Variants in ANKAR observed in about 807,000 individuals in gnomAD.
The protein encoded by ANKAR is ankyrin and armadillo repeat-containing protein.
Under a neutral mutation model 146.2 loss-of-function variants are expected in ANKAR, and 136 were observed. That is an observed-to-expected ratio of 0.93 (90% CI 0.81 to 1.07). The LOEUF (loss-of-function observed/expected upper bound fraction) is 1.07. Among genes scored for constraint, ANKAR ranks in the 50% least tolerant of loss-of-function variants. The probability of loss-of-function intolerance (pLI) is 0.00; values close to 1 mark genes in which losing one functional copy is unlikely to be tolerated. For missense variants in ANKAR, 1,567 were observed against 1,679.9 expected (o/e 0.93, Z 1.18); for synonymous variants, 500 against 575.8 (o/e 0.87, Z 1.88).
chr2:189,747,659 T>C, downstream of ANKAR, among the ~76,000 whole-genome samples: 1 of 152,182 alleles, frequency 6.6e-6, no homozygotes, highest in East Asian at 1.9e-4. Flanking sequence ...TACAAACACC[T>C]GGCTTCACTG....
intron 2 of ANKAR, among the ~76,000 whole-genome samples, chr2:189,683,117 C>G (rs533798645): frequency 6.6e-5 from 10 of 152,324 alleles, no homozygotes; most frequent in Admixed American, 2.0e-4. Flanking sequence ...GTCTATGAAC[C>G]AGGGAATGGG....
chr2:189,697,814 T>C (rs1465320879), intron 7 of ANKAR, among the ~76,000 whole-genome samples: 1 of 152,084 alleles, frequency 6.6e-6, no homozygotes, highest in Non-Finnish European at 1.5e-5. Context: ...ATATTATTGC[T>C]TAACCAACAC....
At chr2:189,683,321 G>A (rs1216162215) in intron 2 of ANKAR, among the ~76,000 whole-genome samples, 2 of 152,212 alleles carry the variant, frequency 1.3e-5, no homozygotes, top group African/African-American at 4.8e-5. Context: ...AGTTTGAATG[G>A]AGGGTTAACT....
chr2:189,686,198 CT>C (rs2035565143), intron 2 of ANKAR, among the ~76,000 whole-genome samples: 1 of 151,406 alleles, frequency 6.6e-6, no homozygotes, highest in African/African-American at 2.4e-5. Context: ...GTATTCTGGC[CT>C]TTTTAAAAAA....
chr2:189,754,185 T>TG, intron 18 of ANKAR: 1 of 1,613,854 alleles, frequency 6.2e-7, no homozygotes, highest in Non-Finnish European at 8.5e-7. Context: ...AGTAACGTGT[T>TG]GAAGTCCAGT....
downstream of ANKAR, chr2:189,750,462 A>G (rs2044996222): frequency 5.4e-6 from 3 of 556,434 alleles, no homozygotes; most frequent in Non-Finnish European, 9.4e-6. Flanking sequence ...AAAAAAAAAA[A>G]TAAAATCTTG....
At chr2:189,735,757 TA>T (rs2042783762) in intron 17 of ANKAR, among the ~76,000 whole-genome samples, 1 of 152,220 alleles carries the variant, frequency 6.6e-6, no homozygotes, top group African/African-American at 2.4e-5. Flanking sequence ...CAAACTAGAA[TA>T]ATATATGAAA....
At chr2:189,755,165 T>C (rs373260336) in intron 18 of ANKAR, 1 of 1,593,702 alleles carries the variant, frequency 6.3e-7, no homozygotes, top group East Asian at 2.2e-5. Flanking sequence ...AAATTAATTC[T>C]TAATTACCTT....
chr2:189,744,983 C>A (rs1357975807), intron 22 of ANKAR, among the ~76,000 whole-genome samples, 195 bp downstream of exon 22: 1 of 69,316 alleles, frequency 1.4e-5, no homozygotes, highest in East Asian at 4.3e-4. Flanking sequence ...TATGGTGAAA[C>A]CCCATCTCTA....
intron 18 of ANKAR, chr2:189,753,854 C>G: frequency 6.4e-7 from 1 of 1,557,032 alleles, no homozygotes; most frequent in Non-Finnish European, 8.7e-7. Flanking sequence ...AGGTCAAGGT[C>G]TTGGGAAAAA....
chr2:189,745,652 C>G (rs747758018), intron 22 of ANKAR, among the ~76,000 whole-genome samples: 7 of 151,890 alleles, frequency 4.6e-5, no homozygotes, highest in South Asian at 4.2e-4. Context: ...CGTGTAGGAC[C>G]AAAATCAGTC....
At chr2:189,734,594 T>C (rs1354518897) in intron 17 of ANKAR, among the ~76,000 whole-genome samples, 2 of 151,984 alleles carry the variant, frequency 1.3e-5, no homozygotes, top group Non-Finnish European at 2.9e-5. Context: ...TTCTGTAAGG[T>C]TTTAGAGGGA....
chr2:189,754,814 C>T, intron 18 of ANKAR: 1 of 258,510 alleles, frequency 3.9e-6, no homozygotes, highest in Non-Finnish European at 7.2e-6. Flanking sequence ...CTGTGCATTG[C>T]ATCTTTAATG....
At chr2:189,710,487 T>C (rs1297826342) in intron 9 of ANKAR, among the ~76,000 whole-genome samples, 1 of 152,240 alleles carries the variant, frequency 6.6e-6, no homozygotes, top group Non-Finnish European at 1.5e-5. Flanking sequence ...CCAGCCAATC[T>C]AAGTCATTCA....
At chr2:189,754,958 A>C in intron 18 of ANKAR, 1 of 565,956 alleles carries the variant, frequency 1.8e-6, no homozygotes, top group African/African-American at 1.9e-5. Context: ...GCCTTTATGT[A>C]CAGATATGAA....
Position 189,746,576 on chromosome 2 carries a change from C to G in ANKAR, c.4254C>G (p.Asn1418Lys). The change falls in exon 23 of 23, where the codon AAC becomes AAG. Residue 1418 changes from asparagine (N) to lysine (K), a missense_variant. Coordinates refer to ENST00000684021, the MANE Select transcript of ANKAR (RefSeq NM_001378068.1). ...CAAGACCAAGAATAGTGTGTTTGAA[C>G]CAACTTGGGAAACATGTCCAGAAAG... is the stretch of plus-strand genomic sequence containing the variant. ...NVSRPRIVCL[N>K]QLGKHVQKAN... 1.2e-6 allele frequency: 2 copies of G among 1,613,082 alleles called. No homozygotes were observed. Among genetic ancestry groups the G allele is most frequent in the Non-Finnish European group, 1.7e-6 (2 of 1,179,744 alleles).
chr2:189,708,224 A>G (rs1186937702), intron 9 of ANKAR, among the ~76,000 whole-genome samples: 1 of 152,248 alleles, frequency 6.6e-6, no homozygotes. Flanking sequence ...TCAGCAGTTT[A>G]TCTTTCTGTG....
intron 9 of ANKAR, 119 bp downstream of exon 9, chr2:189,707,265 G>T: frequency 2.0e-6 from 1 of 492,838 alleles, no homozygotes; most frequent in Non-Finnish European, 3.3e-6. Flanking sequence ...TAAAAATCAT[G>T]AAATAAACAT....
intron 5 of ANKAR, among the ~76,000 whole-genome samples, chr2:189,694,458 AT>A (rs375330000): frequency 3.9e-5 from 6 of 152,136 alleles, no homozygotes; most frequent in African/African-American, 9.7e-5. Flanking sequence ...TCAAAATTTT[AT>A]CAATTTTCCA....
Sources: allele counts gnomAD v4.1 joint callset (sites outside exome capture counted in the v4.1 genomes callset), GRCh38; gene constraint gnomAD v4.1.1; transcripts MANE v1.5; gene names NCBI Gene and HGNC (gene_info 2026-07-23, HGNC 2026-07-21).